The following TRIM45 variants were observed in gnomAD, a reference collection of about 807,000 sequenced individuals.
TRIM45 encodes tripartite motif containing 45, also known as E3 ubiquitin-protein ligase TRIM45.
A neutral mutation model predicts 46.7 loss-of-function variants in TRIM45; 45 were observed. That is an observed-to-expected ratio of 0.96 (90% CI 0.76 to 1.24). The LOEUF (loss-of-function observed/expected upper bound fraction) is 1.24. Ranked by LOEUF, TRIM45 falls within the 50% of genes most tolerant of loss-of-function variation. The pLI is 0.00. For missense variants in TRIM45, 680 were observed against 728.4 expected (o/e 0.93, Z 0.77); for synonymous variants, 259 against 285.8 (o/e 0.91, Z 0.94).
At position 117,111,085 on chromosome 1, in the gene TRIM45, T is replaced by C. The variant is rs1370438513; in HGVS notation, c.*1220A>G. On this transcript the variant is annotated 3_prime_UTR_variant, in exon 6 of 6. Coordinates refer to ENST00000256649, the MANE Select transcript of TRIM45 (RefSeq NM_025188.4). ...TTATATTTAATACATGCTGAGTTTATTGCCATATAAGAAATCAAGAGTTTC... is the reference window on the plus strand; with the variant it reads ...TTATATTTAATACATGCTGAGTTTACTGCCATATAAGAAATCAAGAGTTTC... The C allele has an allele frequency of 6.6e-6, 1 of 152,242 alleles. No homozygotes were observed. Among genetic ancestry groups the C allele is most frequent in the African/African-American group, 2.4e-5 (1 of 41,464 alleles). The allele number at this position is 152,242 out of a possible 1,614,324, so 9.4% of individuals were successfully genotyped here.
chr1:117,123,580 A>G (rs1650744335), upstream of TRIM45, among the ~76,000 whole-genome samples: 1 of 151,614 alleles, frequency 6.6e-6, no homozygotes, highest in African/African-American at 2.4e-5. Flanking sequence ...ACACAACCTT[A>G]TGATGCCATA....
rs376715761 is a variant in TRIM45 at position 117,118,579 on chromosome 1, A to G, written c.677T>C (p.Phe226Ser). Residue 226 changes from phenylalanine (F) to serine (S), a missense_variant, in exon 2 of 6, where the codon TTC becomes TCC. Around this residue, in one of 3 missense-constraint regions of TRIM45, gnomAD observed 349 missense variants for 343.6 expected, o/e 1.02. Coordinates refer to ENST00000256649, the MANE Select transcript of TRIM45 (RefSeq NM_025188.4). The surrounding 1 kb of genome is among the most constrained non-coding windows in gnomAD (Gnocchi z 5.7). ...VGEHREHPCD[F>S]TSNVIHKHGD... ...ATGCTTGTGGATGACATTGCTGGTG[A>G]AGTCACAGGGGTGTTCCCGATGCTC... The G allele has an allele frequency of 1.2e-6, 2 of 1,614,112 alleles. No individual in the cohort carries two copies. Among genetic ancestry groups the G allele is most frequent in the South Asian group, 2.2e-5 (2 of 91,070 alleles).
intron 1 of TRIM45, among the ~76,000 whole-genome samples, chr1:117,119,228 T>C (rs1387047052): frequency 6.6e-6 from 1 of 152,226 alleles, no homozygotes; most frequent in Non-Finnish European, 1.5e-5. Flanking sequence ...CATCTAAGAT[T>C]TTGGTGAAGC....
In TRIM45 at chr1:117,121,646, T is replaced by C; in HGVS notation, c.-445A>G. 2 of 483,862 alleles carry C rather than the reference T, an allele frequency of 4.1e-6. No individual in the cohort carries two copies. Among genetic ancestry groups the C allele is most frequent in the Non-Finnish European group, 7.4e-6 (2 of 269,352 alleles). The allele number at this position is 483,862 out of a possible 1,614,324, so 30.0% of individuals were successfully genotyped here. On this transcript the variant is annotated 5_prime_UTR_variant, in exon 1 of 6. Transcript: ENST00000256649. This position sits in a 1 kb window ranked among gnomAD's most constrained non-coding sequence, Gnocchi z 4.2. ...TAGGGGCCCTCTTGCTCCTTCCCTC[T>C]GCGAAAGGCGCGCGCCGGGTGAGGG...
Position 117,116,629 on chromosome 1 carries a change from C to T in TRIM45, c.1339G>A (p.Asp447Asn). Reference sequence around the variant, plus strand: ...TGTCATACAAACCTGTCTTTCTTATCTTTAGGGACAACGGCAACTTGAACG... The same window carrying T: ...TGTCATACAAACCTGTCTTTCTTATTTTTAGGGACAACGGCAACTTGAACG... ...DNVQVAVVPK[D>N]KKDSPVRTMV... is the part of the protein sequence containing the mutation. The change falls in exon 3 of 6, where the codon GAT (aspartate) becomes AAT (asparagine). Residue 447 changes from aspartate (D) to asparagine (N), a missense_variant. Physicochemically the swap from Asp to Asn is conservative, Grantham distance 23. This residue lies in a region of TRIM45 where 322 missense variants were observed against 359.3 expected (regional missense o/e 0.90). Transcript: ENST00000256649. This position sits in a 1 kb window ranked among gnomAD's most constrained non-coding sequence, Gnocchi z 4.6. The T allele has an allele frequency of 1.2e-6, 2 of 1,613,812 alleles. No homozygotes were observed. Among genetic ancestry groups the T allele is most frequent in the Non-Finnish European group, 1.7e-6 (2 of 1,179,942 alleles).
Position 117,115,537 on chromosome 1 carries a change from A to C in TRIM45, c.1467+38T>G, listed in dbSNP as rs781452596. 4.9e-6 allele frequency: 7 copies of C among 1,417,472 alleles called. No individual in the cohort carries two copies. The African/African-American group carries it at 9.9e-5, about 20-fold the overall frequency. The allele number at this position is 1,417,472 out of a possible 1,614,324, so 87.8% of individuals were successfully genotyped here. The stretch of plus-strand genomic sequence containing the variant: ...TGTCTCCAGATCCTAAGACAGTAGA[A>C]TCCAGGGAGCTCAGGGAAGCACGTG... On this transcript the variant is annotated intron_variant, in intron 4 of 5. Coordinates refer to ENST00000256649, the MANE Select transcript of TRIM45 (RefSeq NM_025188.4). This position sits in a 1 kb window ranked among gnomAD's most constrained non-coding sequence, Gnocchi z 4.2.
At position 117,113,440 on chromosome 1, in the gene TRIM45, AGT is replaced by A; in HGVS notation, c.1511_1512del (p.His504LeufsTer53). On this transcript the variant is annotated frameshift_variant, in exon 5 of 6. Transcript: ENST00000256649. LOFTEE classifies it high-confidence loss of function. The surrounding 1 kb of genome is among the most constrained non-coding windows in gnomAD (Gnocchi z 4.0). Reference sequence around the variant, plus strand: ...AAGGTGCAGCAGTGAAACACGCCTGAGTGTGGGCGGTGCTTTCTCCTCACCAT... The same window carrying A: ...AAGGTGCAGCAGTGAAACACGCCTGAGTGGGCGGTGCTTTCTCCTCACCAT... Reference protein sequence around the residue: ...TVMVRRKHRPHSGVFHCCTFC... With the variant: ...TVMVRRKHRPXSGVFHCCTFC... 8.7e-6 allele frequency: 14 copies of A among 1,612,748 alleles called. No homozygotes were observed. Among genetic ancestry groups the A allele is most frequent in the Non-Finnish European group, 1.2e-5 (14 of 1,179,982 alleles).
chr1:117,118,840 T>G lies in TRIM45; in HGVS notation c.489-73A>C. 2.0e-6 allele frequency: 3 copies of G among 1,529,362 alleles called. No homozygotes were observed. Among genetic ancestry groups the G allele is most frequent in the Non-Finnish European group, 2.6e-6 (3 of 1,137,404 alleles). 94.7% of individuals were successfully genotyped at this position (1,529,362 alleles called of 1,614,324 possible). A position where few individuals can be genotyped will look rare whatever the true frequency, so the allele number is the denominator to read the frequency against. On this transcript the variant is annotated intron_variant, in intron 1 of 5. Transcript: ENST00000256649. The surrounding 1 kb of genome is among the most constrained non-coding windows in gnomAD (Gnocchi z 5.7). Reference sequence around the variant, plus strand: ...TGGGAATAGTTGGGCAGAGAGATTTTAGGAGCACAGGATCTGAAGTTAAAC... The same window carrying G: ...TGGGAATAGTTGGGCAGAGAGATTTGAGGAGCACAGGATCTGAAGTTAAAC...
At position 117,113,511 on chromosome 1, in the gene TRIM45, G is replaced by A; in HGVS notation, c.1468-26C>T. Reference sequence around the variant, plus strand: ...CTGCAGTGTTCAGACCAAAAGCAATGAACAGCATCTTACGAGTTAACAGGA... The same window carrying A: ...CTGCAGTGTTCAGACCAAAAGCAATAAACAGCATCTTACGAGTTAACAGGA... On this transcript the variant is annotated intron_variant, in intron 4 of 5. Coordinates refer to ENST00000256649, the MANE Select transcript of TRIM45 (RefSeq NM_025188.4). This position sits in a 1 kb window ranked among gnomAD's most constrained non-coding sequence, Gnocchi z 4.0. 7 of 1,607,496 alleles carry A rather than the reference G, an allele frequency of 4.4e-6. No individual in the cohort carries two copies. Among genetic ancestry groups the A allele is most frequent in the Non-Finnish European group, 5.9e-6 (7 of 1,176,494 alleles).
rs1650456578 is a variant in TRIM45, at chr1:117,117,735, C to T, written c.1222+299G>A. Among the ~76,000 whole-genome samples, 1 of 152,204 alleles carries T rather than the reference C, an allele frequency of 6.6e-6. No homozygotes were observed. The highest frequency in any genetic ancestry group is 1.5e-5 in the Non-Finnish European group (1 of 68,040). On this transcript the variant is annotated intron_variant, in intron 2 of 5. Transcript: ENST00000256649. The surrounding 1 kb of genome is among the most constrained non-coding windows in gnomAD (Gnocchi z 4.9). ...CCCTAGTCACTGCTGTTACCTCCAA[C>T]GGGCACTGTCTCTGTTCTGCCATCT... is the stretch of plus-strand genomic sequence containing the variant.
Position 117,117,964 on chromosome 1 carries a change from A to G in TRIM45, c.1222+70T>C, listed in dbSNP as rs769634467. ...GTAGGGCATGCTTCCTAGCAGAACAAGCCACCAATCTTCACACACCACCTC... is the reference window on the plus strand; with the variant it reads ...GTAGGGCATGCTTCCTAGCAGAACAGGCCACCAATCTTCACACACCACCTC... On this transcript the variant is annotated intron_variant, in intron 2 of 5. Coordinates refer to ENST00000256649, the MANE Select transcript of TRIM45 (RefSeq NM_025188.4). This position sits in a 1 kb window ranked among gnomAD's most constrained non-coding sequence, Gnocchi z 4.9. 22 of 1,550,072 alleles carry G rather than the reference A, an allele frequency of 1.4e-5. No homozygotes were observed. Among genetic ancestry groups the G allele is most frequent in the Non-Finnish European group, 1.9e-5 (22 of 1,144,954 alleles).
rs542628881 is a variant in TRIM45 at position 117,116,776 on chromosome 1, C to T, written c.1223-31G>A. ...AAAGATAAACACTCGGTCCTCACCT[C>T]GAATGTAAACTGCAGTGACTACATC... On this transcript the variant is annotated intron_variant, in intron 2 of 5. Coordinates refer to ENST00000256649, the MANE Select transcript of TRIM45 (RefSeq NM_025188.4). The surrounding 1 kb of genome is among the most constrained non-coding windows in gnomAD (Gnocchi z 4.6). The T allele has an allele frequency of 1.3e-4, 204 of 1,613,052 alleles. No individual in the cohort carries two copies. In the South Asian group the frequency reaches 1.9e-3, roughly 15 times the overall value.
chr1:117,111,436 G>C lies in TRIM45; in HGVS notation c.*869C>G, dbSNP rs1650204830. The C allele has an allele frequency of 6.6e-6, 1 of 152,080 alleles. No individual in the cohort carries two copies. The highest frequency in any genetic ancestry group is 2.1e-4 in the South Asian group (1 of 4,820). 9.4% of individuals were successfully genotyped at this position (152,080 alleles called of 1,614,324 possible). A position where few individuals can be genotyped will look rare whatever the true frequency, so the allele number is the denominator to read the frequency against. On this transcript the variant is annotated 3_prime_UTR_variant, in exon 6 of 6. Coordinates refer to ENST00000256649, the MANE Select transcript of TRIM45 (RefSeq NM_025188.4). ...TTCTATTTGTATGCCCTTGACCAAAGAGTAATCTTCCAGGCTTTGGGGCAG... is the reference window on the plus strand; with the variant it reads ...TTCTATTTGTATGCCCTTGACCAAACAGTAATCTTCCAGGCTTTGGGGCAG...
chr1:117,119,297 G>A (rs1221490704), intron 1 of TRIM45, among the ~76,000 whole-genome samples: 6 of 152,008 alleles, frequency 3.9e-5, no homozygotes, highest in South Asian at 2.1e-4. Flanking sequence ...AAGAGACATC[G>A]TCAACATCAT....
At position 117,121,552 on chromosome 1, in the gene TRIM45, C is replaced by G; in HGVS notation, c.-351G>C. The G allele has an allele frequency of 1.9e-6, 1 of 517,010 alleles. No homozygotes were observed. Among genetic ancestry groups the G allele is most frequent in the Non-Finnish European group, 3.4e-6 (1 of 294,192 alleles). 32.0% of individuals were successfully genotyped at this position (517,010 alleles called of 1,614,324 possible). A position where few individuals can be genotyped will look rare whatever the true frequency, so the allele number is the denominator to read the frequency against. On this transcript the variant is annotated 5_prime_UTR_variant, in exon 1 of 6. Coordinates refer to ENST00000256649, the MANE Select transcript of TRIM45 (RefSeq NM_025188.4). The surrounding 1 kb of genome is among the most constrained non-coding windows in gnomAD (Gnocchi z 4.2). Reference sequence around the variant, plus strand: ...ACCTCTCGCTCCCTCCACTGCCACCCCCCTCCCGCCGCCCGCCCCACTGCG... The same window carrying G: ...ACCTCTCGCTCCCTCCACTGCCACCGCCCTCCCGCCGCCCGCCCCACTGCG...
In TRIM45 at chr1:117,115,741, G is replaced by A. The variant is rs142700657; in HGVS notation, c.1353-52C>T. 1.9e-4 allele frequency: 240 copies of A among 1,257,468 alleles called. No individual in the cohort carries two copies. The African/African-American group carries it at 3.0e-3, about 16-fold the overall frequency. The allele number at this position is 1,257,468 out of a possible 1,614,324, so 77.9% of individuals were successfully genotyped here. ...CACTCACTTCCACAAGCTGGCTTCA[G>A]TTGCTACTATTTCAGAATGTAAACT... is the stretch of plus-strand genomic sequence containing the variant. On this transcript the variant is annotated intron_variant, in intron 3 of 5. Transcript: ENST00000256649. The surrounding 1 kb of genome is among the most constrained non-coding windows in gnomAD (Gnocchi z 4.2).
Position 117,121,589 on chromosome 1 carries a change from A to G in TRIM45, c.-388T>C, listed in dbSNP as rs917604694. On this transcript the variant is annotated 5_prime_UTR_variant, in exon 1 of 6. Coordinates refer to ENST00000256649, the MANE Select transcript of TRIM45 (RefSeq NM_025188.4). The surrounding 1 kb of genome is among the most constrained non-coding windows in gnomAD (Gnocchi z 4.2). ...CCCGCCCCACTGCGCGCCACACGCGACAAGCGCCGACCCCACCCGCGCACG... is the reference window on the plus strand; with the variant it reads ...CCCGCCCCACTGCGCGCCACACGCGGCAAGCGCCGACCCCACCCGCGCACG... 1.1e-4 allele frequency: 38 copies of G among 334,530 alleles called. No individual in the cohort carries two copies. The highest frequency in any genetic ancestry group is 8.4e-4 in the African/African-American group (36 of 42,956). 20.7% of individuals were successfully genotyped at this position (334,530 alleles called of 1,614,324 possible). A position where few individuals can be genotyped will look rare whatever the true frequency, so the allele number is the denominator to read the frequency against.
At position 117,114,360 on chromosome 1, in the gene TRIM45, G is replaced by A. The variant is rs528925881; in HGVS notation, c.1468-875C>T. 2.0e-5 allele frequency among the ~76,000 whole-genome samples: 3 copies of A among 152,152 alleles called. No individual in the cohort carries two copies. The South Asian group carries it at 6.2e-4, about 32-fold the overall frequency. On this transcript the variant is annotated intron_variant, in intron 4 of 5. Transcript: ENST00000256649. ...ATGGGATCTCACTCTGTCACCAGGC[G>A]GGAGTGCACTGGCACATCCATAGCT...
Position 117,121,453 on chromosome 1 carries a change from C to T in TRIM45, c.-252G>A. On this transcript the variant is annotated 5_prime_UTR_variant, in exon 1 of 6. Coordinates refer to ENST00000256649, the MANE Select transcript of TRIM45 (RefSeq NM_025188.4). The surrounding 1 kb of genome is among the most constrained non-coding windows in gnomAD (Gnocchi z 4.2). ...AGACACGCCCACGCCCTCCTCTGCC[C>T]CGCAAGTCCTCCCCGGATGCGCTTC... 1 of 525,230 alleles carries T rather than the reference C, an allele frequency of 1.9e-6. No homozygotes were observed. The highest frequency in any genetic ancestry group is 3.3e-6 in the Non-Finnish European group (1 of 300,522). The allele number at this position is 525,230 out of a possible 1,614,324, so 32.5% of individuals were successfully genotyped here.
Sources: allele counts gnomAD v4.1 joint callset (sites outside exome capture counted in the v4.1 genomes callset), GRCh38; gene constraint gnomAD v4.1.1; regional missense constraint gnomAD v4.1.1; non-coding constraint Gnocchi (gnomAD v3.1); transcripts MANE v1.5; gene names NCBI Gene and HGNC (gene_info 2026-07-23, HGNC 2026-07-21).